The following ARHGEF6 variants were observed in gnomAD, a reference collection of about 807,000 sequenced individuals.
ARHGEF6 encodes the protein rho guanine nucleotide exchange factor 6.
ARHGEF6 carries 9 observed loss-of-function variants against 70.3 expected under a neutral mutation model. That is an observed-to-expected ratio of 0.13 (90% CI 0.08 to 0.22). ARHGEF6 has a LOEUF of 0.22. ARHGEF6 is among the 10% of genes least tolerant of loss of function. The probability of loss-of-function intolerance (pLI) is 1.00; values close to 1 mark genes in which losing one functional copy is unlikely to be tolerated. For missense variants in ARHGEF6, 470 were observed against 563.0 expected (o/e 0.83, Z 1.67); for synonymous variants, 201 against 207.8 (o/e 0.97, Z 0.28).
chrX:136,703,028 C>T (rs1046513371), intron 9 of ARHGEF6, among the ~76,000 whole-genome samples: 1 of 111,493 alleles, frequency 9.0e-6, no homozygotes, highest in Non-Finnish European at 1.9e-5. Context: ...GCTGGGACAA[C>T]TAGATATCCA....
chrX:136,727,418 TTTC>T (rs2076878496), intron 6 of ARHGEF6, among the ~76,000 whole-genome samples: 1 of 101,256 alleles, frequency 9.9e-6, no homozygotes, highest in East Asian at 3.1e-4. Flanking sequence ...TCTCTCTTTC[TTTC>T]TTTCTTTCCT....
intron 2 of ARHGEF6, among the ~76,000 whole-genome samples, chrX:136,753,674 A>T (rs2148668912): frequency 8.9e-6 from 1 of 111,995 alleles, no homozygotes; most frequent in African/African-American, 3.2e-5. Flanking sequence ...TTTTCTGGCC[A>T]GGGCACTCTC....
intron 9 of ARHGEF6, among the ~76,000 whole-genome samples, chrX:136,700,526 GAGGAAAGAA>G (rs1044792041): frequency 2.7e-5 from 3 of 110,497 alleles, no homozygotes; most frequent in African/African-American, 9.9e-5. Context: ...CAAAAAAAAA[GAGGAAAGAA>G]AGGAAAGAAA....
intron 2 of ARHGEF6, 90 bp from the exon 3 acceptor site, chrX:136,747,682 C>T (rs966705958): frequency 2.7e-5 from 5 of 187,633 alleles, no homozygotes; most frequent in South Asian, 1.2e-4. Flanking sequence ...TCCAGCTCTC[C>T]GGAAAAAAAA....
At chrX:136,670,330 C>T (rs2076211390) in intron 20 of ARHGEF6, among the ~76,000 whole-genome samples, 1 of 111,930 alleles carries the variant, frequency 8.9e-6, no homozygotes, top group Non-Finnish European at 1.9e-5. Context: ...TATCCCTCAA[C>T]AAAGGCGGAA....
intron 2 of ARHGEF6, among the ~76,000 whole-genome samples, chrX:136,753,990 G>A (rs1036835371): frequency 1.9e-4 from 21 of 111,119 alleles, no homozygotes; most frequent in African/African-American, 5.2e-4. Flanking sequence ...TAGATTACTC[G>A]AACCTCATAG....
At chrX:136,761,387 C>T (rs1161826930) in intron 2 of ARHGEF6, among the ~76,000 whole-genome samples, 2 of 111,713 alleles carry the variant, frequency 1.8e-5, no homozygotes, top group Non-Finnish European at 3.8e-5. Context: ...TGCAATATCA[C>T]GGAAATTTAA....
At chrX:136,693,316 A>G (rs2076477060) in intron 9 of ARHGEF6, among the ~76,000 whole-genome samples, 1 of 112,325 alleles carries the variant, frequency 8.9e-6, no homozygotes, top group Non-Finnish European at 1.9e-5. Flanking sequence ...TCTTCAGAAA[A>G]GATAATTTTA....
At chrX:136,761,912 CT>C (rs755982570) in intron 2 of ARHGEF6, among the ~76,000 whole-genome samples, 1,583 of 104,814 alleles carry the variant, frequency 0.015, 35 homozygotes, top group African/African-American at 0.049. Context: ...CATTTTTTTT[CT>C]TTTTTTTTTT....
At chrX:136,709,204 A>C (rs902683917) in intron 7 of ARHGEF6, among the ~76,000 whole-genome samples, 10 of 112,300 alleles carry the variant, frequency 8.9e-5, no homozygotes, top group Admixed American at 2.8e-4. Flanking sequence ...TCCTAAACTA[A>C]AATGCTCATA....
chrX:136,732,302 A>G lies in ARHGEF6; in HGVS notation c.662-130T>C, dbSNP rs1381249648. On this transcript the variant is annotated intron_variant, in intron 5 of 21. Coordinates refer to ENST00000250617, the MANE Select transcript of ARHGEF6 (RefSeq NM_004840.3). ...CAATGGAAATGTACATTCCTAAACAAATGAAACTACAACTGTGCTAAACTA... is the reference window on the plus strand; with the variant it reads ...CAATGGAAATGTACATTCCTAAACAGATGAAACTACAACTGTGCTAAACTA... 14 of 534,815 alleles carry G rather than the reference A, an allele frequency of 2.6e-5. No homozygotes were observed. In the Admixed American group the frequency reaches 3.6e-4, roughly 14 times the overall value. 44.1% of individuals were successfully genotyped at this position (534,815 alleles called of 1,213,427 possible).
chrX:136,761,360 C>T (rs184828347), intron 2 of ARHGEF6, among the ~76,000 whole-genome samples: 1 of 112,198 alleles, frequency 8.9e-6, no homozygotes, highest in East Asian at 2.8e-4. Flanking sequence ...ATCTCTGTTC[C>T]ATGGATATCA....
chrX:136,779,340 T>A, intron 2 of ARHGEF6, 74 bp downstream of exon 2: 1 of 940,994 alleles, frequency 1.1e-6, no homozygotes, highest in Non-Finnish European at 1.5e-6. Flanking sequence ...AATAAACAAG[T>A]ACTCTTACTA....
chrX:136,767,182 C>T (rs1162232738), intron 2 of ARHGEF6: 1 of 754,384 alleles, frequency 1.3e-6, no homozygotes, highest in Non-Finnish European at 1.6e-6. Flanking sequence ...CAGCTGCTCC[C>T]TCACTCCAGC....
chrX:136,747,683 G>GA (rs2077109091), intron 2 of ARHGEF6, 91 bp from the exon 3 acceptor site: 60 of 178,889 alleles, frequency 3.4e-4, no homozygotes, highest in Admixed American at 6.4e-4. Flanking sequence ...CCAGCTCTCC[G>GA]GAAAAAAAAA....
chrX:136,691,103 C>T (rs1014155354), intron 9 of ARHGEF6, among the ~76,000 whole-genome samples: 3 of 110,967 alleles, frequency 2.7e-5, no homozygotes, highest in African/African-American at 9.8e-5. Context: ...CATTCATGGG[C>T]GTGAGATATA....
chrX:136,679,395 A>G lies in ARHGEF6; in HGVS notation c.1830+140T>C, dbSNP rs771093053. 4.3e-4 allele frequency: 329 copies of G among 769,506 alleles called. 1 individual carries two copies. The South Asian group carries it at 7.3e-3, about 17-fold the overall frequency. 63.4% of individuals were successfully genotyped at this position (769,506 alleles called of 1,213,427 possible). On this transcript the variant is annotated intron_variant, in intron 16 of 21. Transcript: ENST00000250617. The stretch of plus-strand genomic sequence containing the variant: ...AAATGGAAAATTAAGAAATCAAACA[A>G]ATCACTGAGTCTGGCAATTCAAGAC...
In ARHGEF6 at chrX:136,668,527, C is replaced by CTTATTATTA. The variant is rs1261612900; in HGVS notation, c.2191-359_2191-358insTAATAATAA. ...CAGCCTGGTATTTCTTCTTCTTCTT[C>CTTATTATTA]TTCTTCTTATTATTATTATTATTAT... is the stretch of plus-strand genomic sequence containing the variant. On this transcript the variant is annotated intron_variant, in intron 21 of 21. Coordinates refer to ENST00000250617, the MANE Select transcript of ARHGEF6 (RefSeq NM_004840.3). Among the ~76,000 whole-genome samples the CTTATTATTA allele has an allele frequency of 1.1e-4, 11 of 100,559 alleles. No homozygotes were observed. In the East Asian group the frequency reaches 1.2e-3, roughly 11 times the overall value. 87.3% of individuals were successfully genotyped at this position (100,559 alleles called of 115,157 possible).
intron 2 of ARHGEF6, among the ~76,000 whole-genome samples, chrX:136,755,207 G>A (rs2077193581): frequency 8.9e-6 from 1 of 111,972 alleles, no homozygotes; most frequent in South Asian, 3.7e-4. Context: ...TTTTTACATT[G>A]AAGAGTGGCC....
Sources: allele counts gnomAD v4.1 joint callset (sites outside exome capture counted in the v4.1 genomes callset), GRCh38; gene constraint gnomAD v4.1.1; transcripts MANE v1.5; gene names NCBI Gene and HGNC (gene_info 2026-07-23, HGNC 2026-07-21).